The following LRP1B variants were observed in gnomAD, a reference collection of about 807,000 sequenced individuals.
LRP1B encodes the protein low-density lipoprotein receptor-related protein 1B.
LRP1B carries 217 observed loss-of-function variants against 556.6 expected under a neutral mutation model. The ratio of observed to expected loss-of-function variants is 0.39; its 90% confidence interval spans 0.35 to 0.44. The LOEUF is 0.44. Ranked by LOEUF, LRP1B falls within the 20% of genes least tolerant of loss-of-function variation. LRP1B has a pLI of 1.00. For synonymous variants in LRP1B, 2,047 were observed against 1,865.8 expected (o/e 1.10, Z -2.50); for missense variants, 5,053 against 5,620.8 (o/e 0.90, Z 3.23).
intron 1 of LRP1B, among the ~76,000 whole-genome samples, chr2:141,833,592 G>A (rs923881136): frequency 6.6e-6 from 1 of 151,764 alleles, no homozygotes; most frequent in Non-Finnish European, 1.5e-5. Context: ...ATCCAAACAT[G>A]AGTAACCTCA....
intron 66 of LRP1B, among the ~76,000 whole-genome samples, chr2:140,397,726 T>A (rs1358741384): frequency 6.6e-6 from 1 of 152,168 alleles, no homozygotes; most frequent in African/African-American, 2.4e-5. Flanking sequence ...AGCTTGTCAT[T>A]TATAGGCTTG....
intron 7 of LRP1B, among the ~76,000 whole-genome samples, chr2:141,143,359 A>G (rs1701705740): frequency 6.6e-6 from 1 of 151,978 alleles, no homozygotes; most frequent in Non-Finnish European, 1.5e-5. Flanking sequence ...TGGACCATAG[A>G]TTTACCTCCT....
chr2:140,628,023 C>G (rs1317112836), intron 41 of LRP1B, among the ~76,000 whole-genome samples: 3 of 152,164 alleles, frequency 2.0e-5, no homozygotes, highest in Non-Finnish European at 2.9e-5. Flanking sequence ...AACAAAGCAT[C>G]AGCTTTAGCA....
intron 43 of LRP1B, among the ~76,000 whole-genome samples, chr2:140,581,356 A>G (rs1681754234): frequency 6.6e-6 from 1 of 151,930 alleles, no homozygotes; most frequent in Non-Finnish European, 1.5e-5. Context: ...TTCTTTTCCA[A>G]CTCTGTAGCA....
intron 2 of LRP1B, among the ~76,000 whole-genome samples, chr2:141,684,512 G>C (rs1055848405): frequency 6.6e-6 from 1 of 151,908 alleles, no homozygotes; most frequent in Admixed American, 6.6e-5. Context: ...TAGATGATGG[G>C]TTGATGGGTG....
intron 7 of LRP1B, among the ~76,000 whole-genome samples, chr2:141,173,208 G>A (rs1034460555): frequency 2.0e-4 from 31 of 151,880 alleles, no homozygotes; most frequent in Admixed American, 3.3e-4. Flanking sequence ...AGCATTTGCA[G>A]GGCTTTGATA....
At chr2:141,448,092 T>C (rs1204169395) in intron 3 of LRP1B, among the ~76,000 whole-genome samples, 1 of 152,214 alleles carries the variant, frequency 6.6e-6, no homozygotes, top group African/African-American at 2.4e-5. Context: ...GGCTGCTGCC[T>C]TTCTTTCAGA....
At chr2:141,395,155 A>C (rs1690196319) in intron 3 of LRP1B, among the ~76,000 whole-genome samples, 1 of 152,102 alleles carries the variant, frequency 6.6e-6, no homozygotes, top group South Asian at 2.1e-4. Flanking sequence ...GTAAGTGTAC[A>C]GTGTTTATAT....
At chr2:140,837,589 A>G (rs1691951675) in intron 31 of LRP1B, among the ~76,000 whole-genome samples, 1 of 144,668 alleles carries the variant, frequency 6.9e-6, no homozygotes, top group Admixed American at 6.9e-5. Flanking sequence ...ATGTTCAATC[A>G]TCATCCTTAT....
At chr2:142,130,249 C>T (rs1273128121) in intron 1 of LRP1B, among the ~76,000 whole-genome samples, 1 of 152,216 alleles carries the variant, frequency 6.6e-6, no homozygotes, top group Non-Finnish European at 1.5e-5. Flanking sequence ...AGGGCGGACA[C>T]GCTTAACGCG....
chr2:141,046,209 C>A (rs751623548), intron 11 of LRP1B, among the ~76,000 whole-genome samples: 1 of 152,078 alleles, frequency 6.6e-6, no homozygotes, highest in Admixed American at 6.6e-5. Context: ...ACTCTTTATA[C>A]CCTTGTACTT....
chr2:140,921,770 A>G (rs1694742677), intron 21 of LRP1B, among the ~76,000 whole-genome samples: 1 of 152,026 alleles, frequency 6.6e-6, no homozygotes, highest in Admixed American at 6.6e-5. Flanking sequence ...TACCTATGTT[A>G]GCTTGCATTT....
intron 3 of LRP1B, among the ~76,000 whole-genome samples, chr2:141,409,452 A>G (rs1250134323): frequency 6.6e-6 from 1 of 152,152 alleles, no homozygotes; most frequent in African/African-American, 2.4e-5. Flanking sequence ...ATAAAGCTCT[A>G]GTACATACAT....
At chr2:140,422,160 A>C (rs1685473174) in intron 66 of LRP1B, among the ~76,000 whole-genome samples, 2 of 152,214 alleles carry the variant, frequency 1.3e-5, no homozygotes, top group South Asian at 4.1e-4. Flanking sequence ...TAGAGAATAG[A>C]AGATACATAG....
chr2:141,726,622 TAGAC>T (rs1005359561), intron 2 of LRP1B, among the ~76,000 whole-genome samples: 8 of 152,036 alleles, frequency 5.3e-5, no homozygotes, highest in Non-Finnish European at 1.5e-5. Flanking sequence ...TAATATAAGT[TAGAC>T]AGAAGAATTT....
intron 83 of LRP1B, among the ~76,000 whole-genome samples, chr2:140,310,671 G>C (rs533128300): frequency 4.0e-5 from 6 of 151,764 alleles, no homozygotes; most frequent in Non-Finnish European, 8.8e-5. Context: ...TCAATAAATG[G>C]TCCTGGGAAA....
At chr2:141,471,283 T>TGC (rs1559089487) in intron 3 of LRP1B, among the ~76,000 whole-genome samples, 1 of 148,872 alleles carries the variant, frequency 6.7e-6, no homozygotes, top group African/African-American at 2.5e-5. Context: ...TTTTTTTTTT[T>TGC]TTTTTTTTTT....
At chr2:140,790,533 T>C (rs1339449561) in intron 32 of LRP1B, among the ~76,000 whole-genome samples, 1 of 152,208 alleles carries the variant, frequency 6.6e-6, no homozygotes, top group Non-Finnish European at 1.5e-5. Flanking sequence ...TTTGAGCTGC[T>C]GACATTGAGT....
At chr2:140,911,119 G>A (rs890981006) in intron 21 of LRP1B, among the ~76,000 whole-genome samples, 1 of 151,790 alleles carries the variant, frequency 6.6e-6, no homozygotes, top group Non-Finnish European at 1.5e-5. Context: ...ATAAGTGAAT[G>A]AAAACTAATT....
Sources: gnomAD v4.1 joint callset for allele counts (sites outside exome capture counted in the v4.1 genomes callset) on GRCh38, gnomAD v4.1.1 for gene constraint, MANE v1.5 for transcripts, NCBI Gene and HGNC (gene_info 2026-07-23, HGNC 2026-07-21) for gene names.